The following ANTXR1 variants were observed in gnomAD, a reference collection of about 807,000 sequenced individuals.
The protein encoded by ANTXR1 is ANTXR cell adhesion molecule 1.
In ANTXR1, 19 loss-of-function variants were observed where a neutral mutation model predicts 78.1. That is an observed-to-expected ratio of 0.24 (90% CI 0.17 to 0.36). The LOEUF is 0.36. ANTXR1 is among the 10% of genes least tolerant of loss of function. The pLI is 1.00. For missense variants in ANTXR1, 518 were observed against 718.6 expected (o/e 0.72, Z 3.19); for synonymous variants, 273 against 260.5 (o/e 1.05, Z -0.46).
chr2:69,183,574 G>GTTTT (rs55898655), intron 16 of ANTXR1, among the ~76,000 whole-genome samples: 8 of 109,290 alleles, frequency 7.3e-5, no homozygotes, highest in Non-Finnish European at 1.4e-4. Flanking sequence ...GCTAATTTTT[G>GTTTT]TTTTTTTTTT....
At chr2:69,172,910 C>T (rs1021407799) in intron 14 of ANTXR1, among the ~76,000 whole-genome samples, 1 of 152,182 alleles carries the variant, frequency 6.6e-6, no homozygotes, top group African/African-American at 2.4e-5. Context: ...TCAAGTGGCA[C>T]CAGTGGGGAT....
At chr2:69,045,479 T>G (rs1337702970) in intron 3 of ANTXR1, among the ~76,000 whole-genome samples, 5 of 152,076 alleles carry the variant, frequency 3.3e-5, no homozygotes, top group Admixed American at 3.3e-4. Context: ...ATTTATGAAA[T>G]TGTACACTTT....
At chr2:69,108,079 T>C (rs899301549) in intron 10 of ANTXR1, among the ~76,000 whole-genome samples, 9 of 152,234 alleles carry the variant, frequency 5.9e-5, no homozygotes, top group Admixed American at 3.9e-4. Context: ...AAGCCACATG[T>C]GGCTGCTGGG....
At chr2:69,123,993 A>T (rs1573907485) in intron 11 of ANTXR1, among the ~76,000 whole-genome samples, 1 of 152,194 alleles carries the variant, frequency 6.6e-6, no homozygotes, top group East Asian at 1.9e-4. Context: ...GATTTCACAA[A>T]TTAGCTCAGT....
intron 16 of ANTXR1, among the ~76,000 whole-genome samples, chr2:69,185,154 G>A (rs1242621367): frequency 1.3e-5 from 2 of 152,196 alleles, no homozygotes; most frequent in African/African-American, 4.8e-5. Context: ...GAACTTGTTA[G>A]AAATGGACAT....
In ANTXR1 at chr2:69,035,163, C is replaced by T. The variant is rs906790325; in HGVS notation, c.153-4881C>T. Among the ~76,000 whole-genome samples, 11 of 149,980 alleles carry T rather than the reference C, an allele frequency of 7.3e-5. No individual in the cohort carries two copies. In the South Asian group the frequency reaches 8.6e-4, roughly 12 times the overall value. On this transcript the variant is annotated intron_variant, in intron 1 of 17. Coordinates refer to ENST00000303714, the MANE Select transcript of ANTXR1 (RefSeq NM_032208.3). ...CCCTATGCAAGAAGGCAGCGGGGGG[C>T]GGGGTGGGGGTCTGGTTGAGGTCCC...
chr2:69,223,094 G>A (rs1019517570), intron 17 of ANTXR1, among the ~76,000 whole-genome samples: 1 of 152,208 alleles, frequency 6.6e-6, no homozygotes, highest in African/African-American at 2.4e-5. Context: ...CCTCCAGCCT[G>A]GAGTAGCTGT....
chr2:69,074,896 A>G (rs76995389), intron 6 of ANTXR1, among the ~76,000 whole-genome samples: 28,576 of 152,206 alleles, frequency 0.19, 3,279 homozygotes, highest in East Asian at 0.25. Context: ...TGGAAATCAG[A>G]TTATCAGAGA....
intron 8 of ANTXR1, among the ~76,000 whole-genome samples, chr2:69,089,144 A>C (rs1671146338): frequency 6.6e-6 from 1 of 152,230 alleles, no homozygotes; most frequent in Non-Finnish European, 1.5e-5. Context: ...CAAAGTATAA[A>C]AATGCCATGA....
rs1184380937 is a variant in ANTXR1 at position 69,247,389 on chromosome 2, A to G, written c.*1904A>G. The stretch of plus-strand genomic sequence containing the variant: ...CGCTGAATCTGCAGTGCCAACACCA[A>G]ACTGACACATCTCCAGGTGTACCTC... On this transcript the variant is annotated 3_prime_UTR_variant, in exon 18 of 18. Transcript: ENST00000303714. The G allele has an allele frequency of 6.6e-6, 1 of 152,642 alleles. No homozygotes were observed. Among genetic ancestry groups the G allele is most frequent in the Non-Finnish European group, 1.5e-5 (1 of 68,196 alleles). 9.5% of individuals were successfully genotyped at this position (152,642 alleles called of 1,614,324 possible). A position where few individuals can be genotyped will look rare whatever the true frequency, so the allele number is the denominator to read the frequency against.
intron 1 of ANTXR1, among the ~76,000 whole-genome samples, chr2:69,027,638 G>A (rs60528491): frequency 5.2e-5 from 7 of 133,492 alleles, no homozygotes; most frequent in African/African-American, 1.8e-4. Flanking sequence ...GTGTGTGTGT[G>A]TATGTGTGTG....
chr2:69,099,104 G>C (rs1272692835), intron 9 of ANTXR1, among the ~76,000 whole-genome samples: 2 of 152,144 alleles, frequency 1.3e-5, no homozygotes, highest in African/African-American at 4.8e-5. Context: ...CCATTAAGCA[G>C]TTATTCCCCC....
intron 3 of ANTXR1, among the ~76,000 whole-genome samples, chr2:69,058,061 T>C (rs993116503): frequency 4.6e-5 from 7 of 152,160 alleles, no homozygotes; most frequent in African/African-American, 1.2e-4. Flanking sequence ...GAAAAAAAGT[T>C]TGGAGTTAGC....
In ANTXR1 at chr2:69,124,646, A is replaced by G; in HGVS notation, c.951+3A>G. 6.2e-7 allele frequency: 1 copy of G among 1,613,950 alleles called. No homozygotes were observed. Among genetic ancestry groups the G allele is most frequent in the Non-Finnish European group, 8.5e-7 (1 of 1,179,778 alleles). ...TCATCATCACCACCACACACTGTGT[A>G]AGTCATAACCTTTCCCTTTACTAAA... On this transcript the variant is annotated splice_donor_region_variant and intron_variant, in intron 12 of 17. Coordinates refer to ENST00000303714, the MANE Select transcript of ANTXR1 (RefSeq NM_032208.3).
chr2:69,103,456 T>G (rs1399611407), intron 10 of ANTXR1: 2 of 173,372 alleles, frequency 1.2e-5, no homozygotes, highest in Non-Finnish European at 2.5e-5. Flanking sequence ...ATGTAGATTC[T>G]GCAGCTTTTT....
intron 12 of ANTXR1, among the ~76,000 whole-genome samples, chr2:69,134,001 A>T (rs1672835515): frequency 6.6e-6 from 1 of 152,190 alleles, no homozygotes; most frequent in Non-Finnish European, 1.5e-5. Flanking sequence ...GCCCAATCTT[A>T]GTTTTCTTGT....
intron 3 of ANTXR1, among the ~76,000 whole-genome samples, chr2:69,067,448 T>A (rs76335418): frequency 2.5e-4 from 23 of 93,868 alleles, no homozygotes; most frequent in African/African-American, 1.9e-3. Context: ...AAGAAGCCTT[T>A]TTTTTTTTTT....
At chr2:69,211,621 G>A (rs1468720208) in intron 17 of ANTXR1, among the ~76,000 whole-genome samples, 1 of 152,238 alleles carries the variant, frequency 6.6e-6, no homozygotes, top group Non-Finnish European at 1.5e-5. Flanking sequence ...CTTCAAAGAT[G>A]CTTTAATAAG....
intron 12 of ANTXR1, among the ~76,000 whole-genome samples, chr2:69,134,815 T>A (rs1467882391): frequency 6.6e-6 from 1 of 152,164 alleles, no homozygotes; most frequent in Non-Finnish European, 1.5e-5. Context: ...CTCCTGAGAA[T>A]AATCTGTTTT....
Sources: allele counts gnomAD v4.1 joint callset (sites outside exome capture counted in the v4.1 genomes callset), GRCh38; gene constraint gnomAD v4.1.1; transcripts MANE v1.5; gene names NCBI Gene and HGNC (gene_info 2026-07-23, HGNC 2026-07-21).